The following IL1RAP variants were observed in gnomAD, a reference collection of about 807,000 sequenced individuals.
The protein encoded by IL1RAP is interleukin-1 receptor accessory protein.
In IL1RAP, 35 loss-of-function variants were observed where a neutral mutation model predicts 60.7. That is an observed-to-expected ratio of 0.58 (90% CI 0.44 to 0.76). The LOEUF is 0.76. Among genes scored for constraint, IL1RAP ranks in the 30% least tolerant of loss-of-function variants. IL1RAP has a pLI of 0.00. For synonymous variants in IL1RAP, 268 were observed against 250.9 expected, an observed-to-expected ratio of 1.07 and a Z score of -0.64; for missense variants, 572 against 693.9, an observed-to-expected ratio of 0.82 and a Z score of 1.97.
chr3:190,575,610 T>G (rs1727369978), intron 3 of IL1RAP, among the ~76,000 whole-genome samples: 1 of 152,116 alleles, frequency 6.6e-6, no homozygotes, highest in South Asian at 2.1e-4. Context: ...CTTTGAGAAC[T>G]ATGGGGAAAG....
chr3:190,589,093 C>A (rs1464397820), intron 3 of IL1RAP, among the ~76,000 whole-genome samples: 1 of 152,138 alleles, frequency 6.6e-6, no homozygotes. Flanking sequence ...ATTTTTGAAT[C>A]CACCTTCCAG....
At position 190,579,108 on chromosome 3, in the gene IL1RAP, T is replaced by C. The variant is rs560854845; in HGVS notation, c.64+14755T>C. On this transcript the variant is annotated intron_variant, in intron 3 of 11. Coordinates refer to ENST00000447382, the MANE Select transcript of IL1RAP (RefSeq NM_002182.4). Reference sequence around the variant, plus strand: ...GTTACAGGCAGCTTTCTGTTTTGTTTGTTTTTGGTTTTGTTTTTAAAAGCT... The same window carrying C: ...GTTACAGGCAGCTTTCTGTTTTGTTCGTTTTTGGTTTTGTTTTTAAAAGCT... 6.6e-5 allele frequency among the ~76,000 whole-genome samples: 10 copies of C among 152,376 alleles called. No homozygotes were observed. The South Asian group carries it at 2.1e-3, about 32-fold the overall frequency.
intron 1 of IL1RAP, among the ~76,000 whole-genome samples, chr3:190,534,183 C>G (rs945713672): frequency 1.3e-5 from 2 of 151,788 alleles, no homozygotes; most frequent in Non-Finnish European, 2.9e-5. Context: ...TCCTACCGAT[C>G]GGTGCTGCAA....
chr3:190,549,977 C>A (rs1373305695), intron 1 of IL1RAP, among the ~76,000 whole-genome samples: 2 of 152,144 alleles, frequency 1.3e-5, no homozygotes, highest in East Asian at 1.9e-4. Flanking sequence ...CTCTTCCTAG[C>A]AAATACCTGG....
At chr3:190,565,234 T>G (rs1446711431) in intron 3 of IL1RAP, among the ~76,000 whole-genome samples, 1 of 151,960 alleles carries the variant, frequency 6.6e-6, no homozygotes, top group African/African-American at 2.4e-5. Flanking sequence ...GGTTCTCTAA[T>G]TGTAATGAAG....
intron 1 of IL1RAP, among the ~76,000 whole-genome samples, chr3:190,537,287 G>C (rs1723546960): frequency 1.3e-5 from 2 of 152,102 alleles, no homozygotes; most frequent in African/African-American, 4.8e-5. Flanking sequence ...CAACCTGCTT[G>C]AGTTTCCTAG....
chr3:190,517,358 T>C (rs1223530668), intron 1 of IL1RAP, among the ~76,000 whole-genome samples: 1 of 152,252 alleles, frequency 6.6e-6, no homozygotes, highest in Non-Finnish European at 1.5e-5. Context: ...ACAACAAATG[T>C]TATGAGTGTC....
rs1560179362 is a variant in IL1RAP, at chr3:190,572,855, C to CTTTGTTTT, written c.64+8506_64+8513dup. ...GTGGTCAGCATGTCCAGGGTTAATG[C>CTTTGTTTT]TTTGTTTTTTTTTTTTTTTTTTTTT... is the stretch of plus-strand genomic sequence containing the variant. On this transcript the variant is annotated intron_variant, in intron 3 of 11. Transcript: ENST00000447382. 7.5e-4 allele frequency among the ~76,000 whole-genome samples: 43 copies of CTTTGTTTT among 57,636 alleles called. 9 individuals are homozygous for CTTTGTTTT. In the Admixed American group the frequency reaches 8.7e-3, roughly 12 times the overall value. 37.8% of individuals were successfully genotyped at this position (57,636 alleles called of 152,430 possible). A position where few individuals can be genotyped will look rare whatever the true frequency, so the allele number is the denominator to read the frequency against.
chr3:190,591,454 C>T (rs1037477219), intron 3 of IL1RAP, among the ~76,000 whole-genome samples: 8 of 152,092 alleles, frequency 5.3e-5, no homozygotes, highest in Admixed American at 1.3e-4. Context: ...ATCTCTCAGA[C>T]GTGTTTTTTG....
intron 3 of IL1RAP, among the ~76,000 whole-genome samples, chr3:190,598,935 T>C (rs1295479224): frequency 6.6e-5 from 10 of 152,242 alleles, no homozygotes; most frequent in Non-Finnish European, 2.9e-5. Flanking sequence ...GTTTTTGAAG[T>C]TATTAACTGC....
chr3:190,545,296 G>C (rs1724272892), intron 1 of IL1RAP, among the ~76,000 whole-genome samples: 1 of 152,178 alleles, frequency 6.6e-6, no homozygotes, highest in Non-Finnish European at 1.5e-5. Flanking sequence ...CTTTGGAGTT[G>C]AAGTACCCTG....
chr3:190,534,487 C>G (rs1219416766), intron 1 of IL1RAP, among the ~76,000 whole-genome samples: 1 of 152,116 alleles, frequency 6.6e-6, no homozygotes, highest in Non-Finnish European at 1.5e-5. Flanking sequence ...CCAGTGCTGC[C>G]TATAGGACCT....
chr3:190,574,963 C>A (rs939948722), intron 3 of IL1RAP, among the ~76,000 whole-genome samples: 1 of 151,656 alleles, frequency 6.6e-6, no homozygotes, highest in African/African-American at 2.4e-5. Context: ...AGATTTAATA[C>A]ACAAAGCCTC....
chr3:190,599,440 T>C (rs964031186), intron 3 of IL1RAP, among the ~76,000 whole-genome samples: 1 of 152,096 alleles, frequency 6.6e-6, no homozygotes, highest in Non-Finnish European at 1.5e-5. Flanking sequence ...TCCAGTCTTG[T>C]GTTTGGGAGT....
At chr3:190,635,327 AT>A (rs1224433117) in intron 9 of IL1RAP, among the ~76,000 whole-genome samples, 1 of 151,438 alleles carries the variant, frequency 6.6e-6, no homozygotes, top group African/African-American at 2.4e-5. Flanking sequence ...ATTTTTATTG[AT>A]TTTTCTCTGT....
At chr3:190,628,123 A>G (rs1732469988) in intron 8 of IL1RAP, among the ~76,000 whole-genome samples, 1 of 152,158 alleles carries the variant, frequency 6.6e-6, no homozygotes, top group Admixed American at 6.5e-5. Flanking sequence ...AATAAACCTG[A>G]TTTTTTAAAG....
chr3:190,647,141 C>G (rs1482823876), intron 11 of IL1RAP, among the ~76,000 whole-genome samples: 1 of 152,172 alleles, frequency 6.6e-6, no homozygotes, highest in South Asian at 2.1e-4. Flanking sequence ...GCCGCTCTTA[C>G]CCAATCTTCT....
chr3:190,630,212 A>C, intron 9 of IL1RAP: 1 of 771,978 alleles, frequency 1.3e-6, no homozygotes, highest in Non-Finnish European at 1.6e-6. Flanking sequence ...CATGATTTCT[A>C]TGTTGATAGT....
At chr3:190,620,954 A>G (rs768736121) in intron 6 of IL1RAP, among the ~76,000 whole-genome samples, 5 of 152,312 alleles carry the variant, frequency 3.3e-5, no homozygotes, top group South Asian at 2.1e-4. Context: ...TTTGCTGGCA[A>G]TAATGTTCAA....
Sources: allele counts gnomAD v4.1 joint callset (sites outside exome capture counted in the v4.1 genomes callset), GRCh38; gene constraint gnomAD v4.1.1; transcripts MANE v1.5; gene names NCBI Gene and HGNC (gene_info 2026-07-23, HGNC 2026-07-21).